The following RNF19A variants were observed in gnomAD, a reference collection of about 807,000 sequenced individuals.
The protein encoded by RNF19A is ring finger protein 19A, RBR E3 ubiquitin protein ligase.
A neutral mutation model predicts 75.7 loss-of-function variants in RNF19A; 32 were observed. That is an observed-to-expected ratio of 0.42 (90% CI 0.32 to 0.57). RNF19A has a LOEUF of 0.57. Among genes scored for constraint, RNF19A ranks in the 20% least tolerant of loss-of-function variants. The probability of loss-of-function intolerance (pLI) is 0.10; values close to 1 mark genes in which losing one functional copy is unlikely to be tolerated. For synonymous variants in RNF19A, 335 were observed against 345.2 expected, an observed-to-expected ratio of 0.97 and a Z score of 0.33; for missense variants, 782 against 1,036.3, an observed-to-expected ratio of 0.75 and a Z score of 3.37.
chr8:100,327,023 G>A (rs1483398469), intron 1 of RNF19A, among the ~76,000 whole-genome samples: 1 of 152,160 alleles, frequency 6.6e-6, no homozygotes. Flanking sequence ...AGATGTGTCA[G>A]CATTACTTCT....
rs930298004 is a variant in RNF19A at position 100,260,692 on chromosome 8, C to A, written c.1683-695G>T. ...CTTTTAATTCATGTATTCTCCCCTA[C>A]ACTTAAAAAAAGCAAGGCTAATAAG... is the stretch of plus-strand genomic sequence containing the variant. On this transcript the variant is annotated intron_variant, in intron 8 of 9. Coordinates refer to ENST00000341084, the MANE Select transcript of RNF19A (RefSeq NM_183419.4). This position sits in a 1 kb window ranked among gnomAD's most constrained non-coding sequence, Gnocchi z 4.1. Among the ~76,000 whole-genome samples, 5 of 152,126 alleles carry A rather than the reference C, an allele frequency of 3.3e-5. No individual in the cohort carries two copies. The highest frequency in any genetic ancestry group is 7.4e-5 in the Non-Finnish European group (5 of 68,022).
intron 1 of RNF19A, among the ~76,000 whole-genome samples, chr8:100,328,574 C>T (rs776678128): frequency 2.0e-5 from 3 of 151,928 alleles, no homozygotes; most frequent in Non-Finnish European, 4.4e-5. Context: ...CGGGTTCAGG[C>T]GATTCTCTTG....
chr8:100,259,012 A>G lies in RNF19A; in HGVS notation c.2061T>C (p.Asn687=). The G allele has an allele frequency of 6.2e-7, 1 of 1,614,036 alleles. No homozygotes were observed. Among genetic ancestry groups the G allele is most frequent in the South Asian group, 1.1e-5 (1 of 91,080 alleles). ...KLRKKGNMKI[N]ETREDMDAQL... is the part of the protein sequence containing the mutation. ...GTGCATCCATGTCCTCTCTCGTCTCATTTATCTTCATGTTACCCTTTTTCC... is the reference window on the plus strand; with the variant it reads ...GTGCATCCATGTCCTCTCTCGTCTCGTTTATCTTCATGTTACCCTTTTTCC... Residue 687 remains asparagine (N), a synonymous_variant, in exon 10 of 10, where the codon AAT becomes AAC. Coordinates refer to ENST00000341084, the MANE Select transcript of RNF19A (RefSeq NM_183419.4). This position sits in a 1 kb window ranked among gnomAD's most constrained non-coding sequence, Gnocchi z 4.5.
In RNF19A at chr8:100,261,143, G is replaced by A. The variant is rs943906003; in HGVS notation, c.1682+399C>T. 6.6e-6 allele frequency among the ~76,000 whole-genome samples: 1 copy of A among 151,686 alleles called. No homozygotes were observed. Among genetic ancestry groups the A allele is most frequent in the Non-Finnish European group, 1.5e-5 (1 of 67,934 alleles). On this transcript the variant is annotated intron_variant, in intron 8 of 9. Transcript: ENST00000341084. The surrounding 1 kb of genome is among the most constrained non-coding windows in gnomAD (Gnocchi z 4.4). ...ACAGGGTCTCACTGTCACTCAGGTT[G>A]GAGCTCAGTGGTGTGATCTTGGCTG...
intron 1 of RNF19A, among the ~76,000 whole-genome samples, chr8:100,297,095 C>T (rs1297194425): frequency 6.6e-6 from 1 of 152,058 alleles, no homozygotes; most frequent in East Asian, 1.9e-4. Flanking sequence ...CTTAAAATGG[C>T]AATTACCACT....
In RNF19A at chr8:100,263,525, A is replaced by G. The variant is rs989620814; in HGVS notation, c.1468+509T>C. On this transcript the variant is annotated intron_variant, in intron 7 of 9. Coordinates refer to ENST00000341084, the MANE Select transcript of RNF19A (RefSeq NM_183419.4). ...TACACATCTGCCTAATTATTTCCCT[A>G]TGACAAATTTCTAAAACAAGAATTG... is the stretch of plus-strand genomic sequence containing the variant. Among the ~76,000 whole-genome samples, 4 of 152,248 alleles carry G rather than the reference A, an allele frequency of 2.6e-5. No homozygotes were observed. In the East Asian group the frequency reaches 5.8e-4, roughly 22 times the overall value.
At chr8:100,266,390 A>G (rs1234165301) in intron 5 of RNF19A, among the ~76,000 whole-genome samples, 1 of 152,224 alleles carries the variant, frequency 6.6e-6, no homozygotes, top group Non-Finnish European at 1.5e-5. Context: ...TTATAGGTAC[A>G]TGTGGTACAA....
At chr8:100,309,118 T>A (rs1319824404) in intron 1 of RNF19A, among the ~76,000 whole-genome samples, 2 of 152,094 alleles carry the variant, frequency 1.3e-5, no homozygotes. Flanking sequence ...TAAGAAAAAC[T>A]GAAAATTCAA....
At position 100,332,346 on chromosome 8, in the gene RNF19A, A is replaced by G. The variant is rs1822622948; in HGVS notation, c.-243+3762T>C. ...AGTTCTCACGTGATCTGATGGTTTT[A>G]TAAGTGTCTGGCATTTCCCTTGTTT... On this transcript the variant is annotated intron_variant, in intron 1 of 3. Transcript: ENST00000519527. The surrounding 1 kb of genome is among the most constrained non-coding windows in gnomAD (Gnocchi z 4.8). Among the ~76,000 whole-genome samples the G allele has an allele frequency of 6.6e-6, 1 of 152,206 alleles. No homozygotes were observed. The highest frequency in any genetic ancestry group is 2.1e-4 in the South Asian group (1 of 4,826).
chr8:100,266,469 C>T (rs1165287670), intron 5 of RNF19A, among the ~76,000 whole-genome samples: 1 of 152,170 alleles, frequency 6.6e-6, no homozygotes, highest in Non-Finnish European at 1.5e-5. Context: ...TGAATAACTA[C>T]ATGAAAAATT....
At chr8:100,309,478 C>T (rs1183259528) in intron 1 of RNF19A, 1 of 985,562 alleles carries the variant, frequency 1.0e-6, no homozygotes. Flanking sequence ...GTCTCCCCCG[C>T]TTTAGGGGCA....
In RNF19A at chr8:100,287,194, CA is replaced by C. The variant is rs1204104765; in HGVS notation, c.674+306del. ...AACCTGATCATTTCATCTGTTATTC[CA>C]AAATAAAAATTCTCCAAATGGATGA... is the stretch of plus-strand genomic sequence containing the variant. On this transcript the variant is annotated intron_variant, in intron 2 of 9. Coordinates refer to ENST00000341084, the MANE Select transcript of RNF19A (RefSeq NM_183419.4). The surrounding 1 kb of genome is among the most constrained non-coding windows in gnomAD (Gnocchi z 4.1). Among the ~76,000 whole-genome samples, 8 of 152,050 alleles carry C rather than the reference CA, an allele frequency of 5.3e-5. No homozygotes were observed. The highest frequency in any genetic ancestry group is 1.9e-4 in the African/African-American group (8 of 41,396).
At chr8:100,308,105 C>T (rs1822132046) in intron 1 of RNF19A, among the ~76,000 whole-genome samples, 3 of 152,080 alleles carry the variant, frequency 2.0e-5, no homozygotes, top group Admixed American at 1.3e-4. Context: ...TAAAATGATG[C>T]TGCAGTTTTA....
In RNF19A at chr8:100,325,625, A is replaced by G. The variant is rs1822524038; in HGVS notation, c.-243+10483T>C. 6.6e-6 allele frequency among the ~76,000 whole-genome samples: 1 copy of G among 152,154 alleles called. No homozygotes were observed. Among genetic ancestry groups the G allele is most frequent in the Non-Finnish European group, 1.5e-5 (1 of 68,026 alleles). ...CTCAAGCCCAGCCTATATTTGCCAT[A>G]TCTTGGCCCCATCCCACAGTAGGGA... On this transcript the variant is annotated intron_variant, in intron 1 of 3. Transcript: ENST00000519527. The surrounding 1 kb of genome is among the most constrained non-coding windows in gnomAD (Gnocchi z 4.3).
rs1469912375 is a variant in RNF19A at position 100,275,368 on chromosome 8, G to T, written c.675-207C>A. ...ATAAATGGTGTAAAATATTTTAAAA[G>T]TTCAATTTTTAACTTTCAGGGTTTT... On this transcript the variant is annotated intron_variant, in intron 2 of 9. Coordinates refer to ENST00000341084, the MANE Select transcript of RNF19A (RefSeq NM_183419.4). This position sits in a 1 kb window ranked among gnomAD's most constrained non-coding sequence, Gnocchi z 4.3. Among the ~76,000 whole-genome samples, 1 of 151,202 alleles carries T rather than the reference G, an allele frequency of 6.6e-6. No individual in the cohort carries two copies. Among genetic ancestry groups the T allele is most frequent in the African/African-American group, 2.4e-5 (1 of 41,150 alleles).
chr8:100,290,823 G>T (rs1808633303), intron 1 of RNF19A, among the ~76,000 whole-genome samples: 1 of 152,152 alleles, frequency 6.6e-6, no homozygotes, highest in Admixed American at 6.5e-5. Flanking sequence ...CTACAAACCT[G>T]TACAGTATGT....
rs765145703 is a variant in RNF19A at position 100,259,523 on chromosome 8, CCT to C, written c.1827-279_1827-278del. On this transcript the variant is annotated intron_variant, in intron 9 of 9. Transcript: ENST00000341084. This position sits in a 1 kb window ranked among gnomAD's most constrained non-coding sequence, Gnocchi z 4.5. ...AACAGCTTTATTCAGATACAATTCCCCTGTTTAAAGTGTACAATTCAGTGATT... is the reference window on the plus strand; with the variant it reads ...AACAGCTTTATTCAGATACAATTCCCGTTTAAAGTGTACAATTCAGTGATT... 5.9e-5 allele frequency among the ~76,000 whole-genome samples: 9 copies of C among 152,244 alleles called. No homozygotes were observed. Among genetic ancestry groups the C allele is most frequent in the Non-Finnish European group, 1.3e-4 (9 of 68,010 alleles).
chr8:100,264,743 G>A lies in RNF19A; in HGVS notation c.1234C>T (p.Arg412Trp), dbSNP rs865845130. The A allele has an allele frequency of 5.6e-6, 9 of 1,613,592 alleles. No homozygotes were observed. Among genetic ancestry groups the A allele is most frequent in the South Asian group, 1.1e-5 (1 of 91,070 alleles). The change falls in exon 6 of 10, where the codon CGG (arginine) becomes TGG (tryptophan). Residue 412 changes from arginine to tryptophan, a missense_variant. Arg to Trp is a moderately radical substitution (Grantham distance 101). Coordinates refer to ENST00000341084, the MANE Select transcript of RNF19A (RefSeq NM_183419.4). This position sits in a 1 kb window ranked among gnomAD's most constrained non-coding sequence, Gnocchi z 4.7. ...ACACCACCTGCTATGGCCAAATTCC[G>A]TTTGTGCTTTGAAACATCCTTGCCT... is the stretch of plus-strand genomic sequence containing the variant. ...YEGKDVSKHK[R>W]NLAIAGGVTL...
In RNF19A at chr8:100,322,512, T is replaced by C. The variant is rs1822477660; in HGVS notation, c.-242-9140A>G. On this transcript the variant is annotated intron_variant, in intron 1 of 3. Coordinates refer to the RNF19A transcript ENST00000519527. This position sits in a 1 kb window ranked among gnomAD's most constrained non-coding sequence, Gnocchi z 5.1. The stretch of plus-strand genomic sequence containing the variant: ...TCAGACCATTTAAACTTTCTCCAAA[T>C]TAGCAATAAGGCTGTTTCATTTATG... Among the ~76,000 whole-genome samples the C allele has an allele frequency of 1.3e-5, 2 of 152,242 alleles. No individual in the cohort carries two copies. The highest frequency in any genetic ancestry group is 1.3e-4 in the Admixed American group (2 of 15,284).
Sources: allele counts gnomAD v4.1 joint callset (sites outside exome capture counted in the v4.1 genomes callset), GRCh38; gene constraint gnomAD v4.1.1; non-coding constraint Gnocchi (gnomAD v3.1); transcripts MANE v1.5; gene names NCBI Gene and HGNC (gene_info 2026-07-23, HGNC 2026-07-21).